The following LVRN variants were observed in gnomAD, a reference collection of about 807,000 sequenced individuals.
The protein encoded by LVRN is laeverin, also known as aminopeptidase Q.
Under a neutral mutation model 111.4 loss-of-function variants are expected in LVRN, and 99 were observed. That is an observed-to-expected ratio of 0.89 (90% CI 0.76 to 1.05). The LOEUF (loss-of-function observed/expected upper bound fraction) is 1.05. Among genes scored for constraint, LVRN ranks in the 50% least tolerant of loss-of-function variants. The pLI, the probability that LVRN is intolerant of heterozygous loss-of-function variation, is 0.00. For missense variants in LVRN, 1,414 were observed against 1,206.8 expected, an observed-to-expected ratio of 1.17 and a Z score of -2.54; for synonymous variants, 488 against 449.5, an observed-to-expected ratio of 1.09 and a Z score of -1.08.
chr5:115,963,199 G>A lies in LVRN; in HGVS notation c.582G>A (p.Glu194=), dbSNP rs891315145. ...AATACATGGTGCTGGAGCTCAGTGA[G>A]CCCCTGAAACCTGGTAGCAGCTACG... The part of the protein sequence containing the change: ...DTEYMVLELS[E]PLKPGSSYEL... Residue 194 remains glutamate, a synonymous_variant, in exon 1 of 20, where the codon GAG becomes GAA. Coordinates refer to ENST00000357872, the MANE Select transcript of LVRN (RefSeq NM_173800.5). 5.6e-6 allele frequency: 9 copies of A among 1,612,712 alleles called. 1 individual carries two copies. The African/African-American group carries it at 8.0e-5, about 14-fold the overall frequency.
Position 116,015,361 on chromosome 5 carries a change from G to C in LVRN, c.2560G>C (p.Glu854Gln), listed in dbSNP as rs1167903196. ...TTACACTAATACAACAAACAAAGAA[G>C]AAAAGATTCAACTTGCTTATGCAAT... ...NTYTNTTNKE[E>Q]KIQLAYAMSC... The change falls in exon 17 of 20, where the codon GAA (glutamate) becomes CAA (glutamine). Residue 854 changes from glutamate (E) to glutamine (Q), a missense_variant. By Grantham distance (29) the Glu-to-Gln change is conservative. Coordinates refer to ENST00000357872, the MANE Select transcript of LVRN (RefSeq NM_173800.5). The C allele has an allele frequency of 6.2e-7, 1 of 1,611,152 alleles. No individual in the cohort carries two copies. Among genetic ancestry groups the C allele is most frequent in the South Asian group, 1.1e-5 (1 of 90,304 alleles).
chr5:116,004,367 G>A lies in LVRN; in HGVS notation c.2037+987G>A, dbSNP rs148378752. On this transcript the variant is annotated intron_variant, in intron 12 of 19. Transcript: ENST00000357872. ...CTTAGGAGTCAGTACAGTTGGCTCT[G>A]CTGTGACTTGCTGTGAGCCCGTGGG... is the stretch of plus-strand genomic sequence containing the variant. Among the ~76,000 whole-genome samples the A allele has an allele frequency of 1.7e-3, 256 of 152,316 alleles. 1 individual carries two copies. The highest frequency in any genetic ancestry group is 5.6e-3 in the African/African-American group (234 of 41,570).
chr5:115,997,443 C>T (rs916794994), intron 6 of LVRN, among the ~76,000 whole-genome samples: 1 of 152,142 alleles, frequency 6.6e-6, no homozygotes, highest in African/African-American at 2.4e-5. Flanking sequence ...GTGGGAGAAT[C>T]TCTTAAGCTC....
intron 3 of LVRN, among the ~76,000 whole-genome samples, chr5:115,985,530 A>G (rs1214919226): frequency 6.6e-6 from 1 of 152,200 alleles, no homozygotes; most frequent in Non-Finnish European, 1.5e-5. Context: ...GTTTCTACAT[A>G]ATGAGTTAAC....
intron 4 of LVRN, among the ~76,000 whole-genome samples, chr5:115,990,166 T>G (rs2112581204): frequency 6.6e-6 from 1 of 152,322 alleles, no homozygotes; most frequent in African/African-American, 2.4e-5. Context: ...TAATTCACTC[T>G]CAAGTCAAAA....
At chr5:115,991,602 CTG>C (rs1440353952) in intron 4 of LVRN, among the ~76,000 whole-genome samples, 2 of 152,192 alleles carry the variant, frequency 1.3e-5, no homozygotes, top group Non-Finnish European at 2.9e-5. Context: ...CCTATAGTGA[CTG>C]TACCATTTTG....
chr5:115,992,744 C>T (rs1047127186), intron 5 of LVRN, among the ~76,000 whole-genome samples: 1 of 152,158 alleles, frequency 6.6e-6, no homozygotes, highest in Non-Finnish European at 1.5e-5. Flanking sequence ...ATAATTAACC[C>T]TTGAGCTGCA....
intron 2 of LVRN, among the ~76,000 whole-genome samples, chr5:115,983,652 T>C (rs1160507929): frequency 2.0e-5 from 3 of 152,184 alleles, no homozygotes; most frequent in Non-Finnish European, 4.4e-5. Context: ...ACACTGTTCT[T>C]ATAAATGGGC....
intron 4 of LVRN, among the ~76,000 whole-genome samples, chr5:115,991,493 G>A (rs1747986329): frequency 6.6e-6 from 1 of 152,168 alleles, no homozygotes. Flanking sequence ...TATGAATAAA[G>A]CTTCTATAAA....
intron 19 of LVRN, among the ~76,000 whole-genome samples, chr5:116,024,395 A>G (rs569080511): frequency 9.3e-4 from 142 of 152,322 alleles, no homozygotes; most frequent in Non-Finnish European, 1.6e-3. Context: ...AGCAAAAAAA[A>G]AGGACAAGTA....
At chr5:116,000,733 G>A in intron 9 of LVRN, 75 bp downstream of exon 9, 2 of 1,458,656 alleles carry the variant, frequency 1.4e-6, no homozygotes, top group Admixed American at 1.8e-5. Flanking sequence ...GAGGCCATGG[G>A]TGAATGGCAG....
At chr5:115,969,579 C>T (rs978831965) in intron 1 of LVRN, among the ~76,000 whole-genome samples, 16 of 151,942 alleles carry the variant, frequency 1.1e-4, no homozygotes, top group African/African-American at 3.9e-4. Flanking sequence ...AGGTGGATCA[C>T]GAGGTCAGGA....
At chr5:116,010,976 G>C (rs13185360) in intron 14 of LVRN, 82 bp downstream of exon 14, 1 of 1,001,972 alleles carries the variant, frequency 1.0e-6, no homozygotes, top group African/African-American at 2.0e-5. Flanking sequence ...TGTGAGACAG[G>C]TCTTTTCCAA....
At chr5:116,016,545 G>A (rs1040115884) in intron 18 of LVRN, among the ~76,000 whole-genome samples, 3 of 152,172 alleles carry the variant, frequency 2.0e-5, no homozygotes, top group East Asian at 3.8e-4. Flanking sequence ...TGCTACTTAC[G>A]AAGATGGGGA....
chr5:116,003,705 C>T (rs1387617637), intron 12 of LVRN, among the ~76,000 whole-genome samples: 2 of 151,886 alleles, frequency 1.3e-5, no homozygotes, highest in Non-Finnish European at 1.5e-5. Context: ...CCTCAGCCTC[C>T]GGAGTAGCTG....
At chr5:116,009,578 T>G (rs891250420) in intron 13 of LVRN, among the ~76,000 whole-genome samples, 13 of 151,938 alleles carry the variant, frequency 8.6e-5, no homozygotes, top group African/African-American at 2.9e-4. Context: ...TGAAAGGAGG[T>G]AAAAAAAATC....
intron 1 of LVRN, among the ~76,000 whole-genome samples, chr5:115,977,602 T>C (rs1000108994): frequency 2.0e-5 from 3 of 152,166 alleles, no homozygotes; most frequent in African/African-American, 4.8e-5. Context: ...TCATGACATC[T>C]CAGTTTAGTT....
At chr5:115,998,205 CT>C (rs1461277990) in intron 6 of LVRN, among the ~76,000 whole-genome samples, 1 of 151,916 alleles carries the variant, frequency 6.6e-6, no homozygotes, top group Non-Finnish European at 1.5e-5. Context: ...TAAGGTTTTT[CT>C]TTTGCAAAAG....
chr5:116,017,292 A>G (rs1041612438), intron 18 of LVRN, among the ~76,000 whole-genome samples: 2 of 152,220 alleles, frequency 1.3e-5, no homozygotes, highest in Admixed American at 6.5e-5. Flanking sequence ...AGGGGTTAAC[A>G]GGCCTTGAAT....
Sources: allele counts gnomAD v4.1 joint callset (sites outside exome capture counted in the v4.1 genomes callset), GRCh38; gene constraint gnomAD v4.1.1; transcripts MANE v1.5; gene names NCBI Gene and HGNC (gene_info 2026-07-23, HGNC 2026-07-21).